SNRK: variants seen among roughly 807,000 people sequenced by gnomAD.
SNRK encodes the protein SNF related kinase, also known as SNF-related serine/threonine-protein kinase.
Under a neutral mutation model 48.2 loss-of-function variants are expected in SNRK, and 3 were observed. The observed-to-expected ratio is 0.06, with a 90% confidence interval of 0.03 to 0.16. The LOEUF is 0.16. SNRK is among the 10% of genes least tolerant of loss of function. The pLI, the probability that SNRK is intolerant of heterozygous loss-of-function variation, is 1.00. For synonymous variants in SNRK, 376 were observed against 366.1 expected, an observed-to-expected ratio of 1.03 and a Z score of -0.31; for missense variants, 627 against 976.0, an observed-to-expected ratio of 0.64 and a Z score of 4.76.
At chr3:43,336,311 C>A (rs985257070) in intron 4 of SNRK, among the ~76,000 whole-genome samples, 1 of 148,924 alleles carries the variant, frequency 6.7e-6, no homozygotes, top group Admixed American at 6.8e-5. Flanking sequence ...TTGCTCTCTC[C>A]CTCTGTCCGC....
chr3:43,320,138 T>A (rs1479793842), intron 3 of SNRK, among the ~76,000 whole-genome samples: 2 of 152,180 alleles, frequency 1.3e-5, no homozygotes, highest in Non-Finnish European at 1.5e-5. Context: ...ATATACTAGA[T>A]CTCCCATTTT....
chr3:43,343,363 T>C lies in SNRK; in HGVS notation c.964T>C (p.Tyr322His). ...AIVEALETNR[Y>H]NHITATYFLL... Reference sequence around the variant, plus strand: ...CCTCAGAGCCCTGGAAACCAACAGGTATAACCATATCACAGCCACATACTT... The same window carrying C: ...CCTCAGAGCCCTGGAAACCAACAGGCATAACCATATCACAGCCACATACTT... The change falls in exon 6 of 7, where the codon TAT becomes CAT. Residue 322 changes from tyrosine to histidine, a missense_variant. This residue lies in a region of SNRK where 175 missense variants were observed against 209.7 expected (regional missense o/e 0.83). Transcript: ENST00000296088. 11 of 1,614,026 alleles carry C rather than the reference T, an allele frequency of 6.8e-6. No homozygotes were observed. The highest frequency in any genetic ancestry group is 9.3e-6 in the Non-Finnish European group (11 of 1,180,014).
In SNRK at chr3:43,317,686, C is replaced by G. The variant is rs566880787; in HGVS notation, c.589+13894C>G. ...CTTGCTGTTAGGCACACTCCAAGCCCGGTCCTACCTCAGGGCCATCCATCT... is the reference window on the plus strand; with the variant it reads ...CTTGCTGTTAGGCACACTCCAAGCCGGGTCCTACCTCAGGGCCATCCATCT... On this transcript the variant is annotated intron_variant, in intron 3 of 6. Transcript: ENST00000296088. Among the ~76,000 whole-genome samples, 364 of 152,250 alleles carry G rather than the reference C, an allele frequency of 2.4e-3. 2 individuals carry two copies. Among genetic ancestry groups the G allele is most frequent in the Non-Finnish European group, 3.6e-3 (244 of 68,018 alleles).
chr3:43,288,340 A>G (rs2090782376), intron 1 of SNRK, among the ~76,000 whole-genome samples: 1 of 152,076 alleles, frequency 6.6e-6, no homozygotes. Context: ...TTTCTGTTTT[A>G]CTGCAGTAAG....
intron 4 of SNRK, chr3:43,333,227 T>C (rs1258896223): frequency 6.6e-6 from 1 of 151,700 alleles, no homozygotes; most frequent in Non-Finnish European, 1.5e-5. Flanking sequence ...GAAAATTACC[T>C]GGGCGCCTGT....
chr3:43,310,240 C>T (rs1225326553), intron 3 of SNRK, among the ~76,000 whole-genome samples: 1 of 151,848 alleles, frequency 6.6e-6, no homozygotes, highest in Non-Finnish European at 1.5e-5. Context: ...TTGTGGTTTT[C>T]ATTTGCCTTA....
Position 43,348,544 on chromosome 3 carries a change from G to A in SNRK, c.2285G>A (p.Cys762Tyr). 6.5e-7 allele frequency: 1 copy of A among 1,537,484 alleles called. No individual in the cohort carries two copies. Residue 762 changes from cysteine (C) to tyrosine (Y), a missense_variant, in exon 7 of 7, where the codon TGC (cysteine) becomes TAC (tyrosine). Cys to Tyr is a radical substitution (Grantham distance 194). Around this residue, in one of 4 missense-constraint regions of SNRK, gnomAD observed 207 missense variants for 234.3 expected, o/e 0.88. Transcript: ENST00000296088. ...TGCGCATCCAGCCCAGCCAGCTGTTGCCATGTCATCTGACTGTGGCCCCAT... is the reference window on the plus strand; with the variant it reads ...TGCGCATCCAGCCCAGCCAGCTGTTACCATGTCATCTGACTGTGGCCCCAT... ...LLCASSPASC[C>Y]HVI
chr3:43,322,211 T>A (rs2091058910), intron 3 of SNRK, among the ~76,000 whole-genome samples: 1 of 152,158 alleles, frequency 6.6e-6, no homozygotes, highest in Admixed American at 6.6e-5. Flanking sequence ...AGAGGAAGAA[T>A]TAATTAATTG....
intron 4 of SNRK, among the ~76,000 whole-genome samples, chr3:43,336,159 ATTCCT>A (rs944563248): frequency 3.0e-4 from 42 of 139,604 alleles, no homozygotes; most frequent in Admixed American, 1.0e-3. Context: ...TTGATGGAGG[ATTCCT>A]TTCCTTTCCC....
At position 43,328,433 on chromosome 3, in the gene SNRK, G is replaced by A. The variant is rs183599172; in HGVS notation, c.590-3736G>A. Among the ~76,000 whole-genome samples the A allele has an allele frequency of 2.6e-5, 4 of 152,064 alleles. No homozygotes were observed. In the South Asian group the frequency reaches 6.2e-4, roughly 24 times the overall value. ...TAGAGCACAATGGCTATTCACAGAT[G>A]TGGTTTAGCACACTGTGGACTCAAA... On this transcript the variant is annotated intron_variant, in intron 3 of 6. Transcript: ENST00000296088.
chr3:43,329,522 C>T (rs564219858), intron 3 of SNRK, among the ~76,000 whole-genome samples: 2 of 152,118 alleles, frequency 1.3e-5, no homozygotes, highest in South Asian at 2.1e-4. Context: ...GAGTCATTTG[C>T]CCTCTCTGAA....
chr3:43,326,664 C>G (rs537669078), intron 3 of SNRK, among the ~76,000 whole-genome samples: 1 of 152,212 alleles, frequency 6.6e-6, no homozygotes, highest in East Asian at 1.9e-4. Context: ...CCTTCTTGAT[C>G]TGGAAGTCAG....
intron 1 of SNRK, among the ~76,000 whole-genome samples, chr3:43,299,246 C>T (rs1271126046): frequency 8.5e-5 from 13 of 152,154 alleles, no homozygotes; most frequent in African/African-American, 2.9e-4. Context: ...GGCGCCATCT[C>T]GGCTCATTGC....
At chr3:43,314,194 T>G (rs992260555) in intron 3 of SNRK, among the ~76,000 whole-genome samples, 5 of 152,220 alleles carry the variant, frequency 3.3e-5, no homozygotes. Context: ...ATTCTTAACT[T>G]TTTCTGATTC....
intron 3 of SNRK, among the ~76,000 whole-genome samples, chr3:43,313,667 A>G (rs1016935013): frequency 1.3e-5 from 2 of 152,202 alleles, no homozygotes; most frequent in African/African-American, 2.4e-5. Context: ...CTACATACAC[A>G]AATAAATACA....
At chr3:43,337,941 A>G (rs937454577) in intron 4 of SNRK, among the ~76,000 whole-genome samples, 16 of 151,466 alleles carry the variant, frequency 1.1e-4, no homozygotes, top group Admixed American at 7.2e-4. Flanking sequence ...ATATCAGACA[A>G]TGTCTGATAT....
chr3:43,316,067 A>T (rs2091011315), intron 3 of SNRK, among the ~76,000 whole-genome samples: 1 of 152,192 alleles, frequency 6.6e-6, no homozygotes, highest in African/African-American at 2.4e-5. Flanking sequence ...TGAGCATGAA[A>T]TGTTTATGGG....
chr3:43,301,185 T>G (rs1448271763), intron 2 of SNRK, among the ~76,000 whole-genome samples: 1 of 152,248 alleles, frequency 6.6e-6, no homozygotes, highest in Non-Finnish European at 1.5e-5. Context: ...AACATTGACT[T>G]TTTGAACTTA....
chr3:43,298,358 G>A (rs1474266092), intron 1 of SNRK, among the ~76,000 whole-genome samples: 10 of 152,072 alleles, frequency 6.6e-5, no homozygotes, highest in Admixed American at 5.9e-4. Flanking sequence ...AAGCAGGCAA[G>A]GATAGTGGAA....
Sources: gnomAD v4.1 joint callset for allele counts (sites outside exome capture counted in the v4.1 genomes callset) on GRCh38, gnomAD v4.1.1 for gene constraint, gnomAD v4.1.1 regional missense constraint, MANE v1.5 for transcripts, NCBI Gene and HGNC (gene_info 2026-07-23, HGNC 2026-07-21) for gene names.